Variants in TMEM132B observed in about 807,000 individuals in gnomAD.
The protein encoded by TMEM132B is transmembrane protein 132B.
A neutral mutation model predicts 90.8 loss-of-function variants in TMEM132B; 18 were observed. The observed-to-expected ratio is 0.20, with a 90% CI of 0.14 to 0.29. The LOEUF is 0.29. Ranked by LOEUF, TMEM132B falls within the 10% of genes least tolerant of loss-of-function variation. The probability of loss-of-function intolerance (pLI) is 1.00; values close to 1 mark genes in which losing one functional copy is unlikely to be tolerated. For synonymous variants in TMEM132B, 504 were observed against 523.3 expected, an observed-to-expected ratio of 0.96 and a Z score of 0.50; for missense variants, 1,096 against 1,326.8, an observed-to-expected ratio of 0.83 and a Z score of 2.70.
At position 125,603,532 on chromosome 12, in the gene TMEM132B, T is replaced by C. The variant is rs1030158482; in HGVS notation, c.1437+19538T>C. The stretch of plus-strand genomic sequence containing the variant: ...AACCTAGGCAATACCATTCAGGACA[T>C]AGGTATGGGCAAAGACTTCATGATG... On this transcript the variant is annotated intron_variant, in intron 5 of 8. Transcript: ENST00000682704. Among the ~76,000 whole-genome samples, 4 of 152,112 alleles carry C rather than the reference T, an allele frequency of 2.6e-5. No homozygotes were observed. The South Asian group carries it at 8.3e-4, about 32-fold the overall frequency.
chr12:125,563,552 G>A (rs1218450975), intron 4 of TMEM132B, among the ~76,000 whole-genome samples: 2 of 145,868 alleles, frequency 1.4e-5, no homozygotes, highest in African/African-American at 2.6e-5. Context: ...GCATCAGAGC[G>A]AGACTCTGTC....
chr12:125,329,879 T>G, intron 1 of TMEM132B, among the ~76,000 whole-genome samples: 1 of 152,184 alleles, frequency 6.6e-6, no homozygotes, highest in East Asian at 1.9e-4. Context: ...TTCATAAAAC[T>G]ACCCGATCTT....
At chr12:125,540,179 A>G (rs1451527248) in intron 4 of TMEM132B, among the ~76,000 whole-genome samples, 1 of 152,184 alleles carries the variant, frequency 6.6e-6, no homozygotes, top group Non-Finnish European at 1.5e-5. Flanking sequence ...CTGATAACAT[A>G]CTTTATATGA....
At chr12:125,360,263 T>G (rs559996122) in intron 2 of TMEM132B, among the ~76,000 whole-genome samples, 1 of 152,302 alleles carries the variant, frequency 6.6e-6, no homozygotes, top group Non-Finnish European at 1.5e-5. Context: ...CGATTTACTC[T>G]TACACCCCAA....
At chr12:125,567,724 C>T (rs529489714) in intron 4 of TMEM132B, among the ~76,000 whole-genome samples, 30 of 152,280 alleles carry the variant, frequency 2.0e-4, no homozygotes, top group African/African-American at 5.8e-4. Flanking sequence ...ATTTGCTTGC[C>T]GGTCCTGTGA....
chr12:125,494,345 C>G (rs1468211360), intron 3 of TMEM132B, among the ~76,000 whole-genome samples: 1 of 111,268 alleles, frequency 9.0e-6, no homozygotes, highest in Non-Finnish European at 1.8e-5. Flanking sequence ...GAAAAGGATG[C>G]GTCCCTCCGC....
chr12:125,657,096 G>A lies in TMEM132B; in HGVS notation c.*2386G>A, dbSNP rs1040251703. 3.9e-5 allele frequency: 6 copies of A among 152,206 alleles called. No homozygotes were observed. Among genetic ancestry groups the A allele is most frequent in the South Asian group, 4.1e-4 (2 of 4,830 alleles). The allele number at this position is 152,206 out of a possible 1,614,324, so 9.4% of individuals were successfully genotyped here. A position where few individuals can be genotyped will look rare whatever the true frequency, so the allele number is the denominator to read the frequency against. Reference sequence around the variant, plus strand: ...GGGTGCAGGGAACAAACTGGGGAGCGTTCAAACATGCCAGTGGTTTCTCAG... The same window carrying A: ...GGGTGCAGGGAACAAACTGGGGAGCATTCAAACATGCCAGTGGTTTCTCAG... On this transcript the variant is annotated 3_prime_UTR_variant, in exon 9 of 9. Coordinates refer to ENST00000682704, the MANE Select transcript of TMEM132B (RefSeq NM_001366854.1).
At chr12:125,379,825 A>G (rs75796179) in intron 2 of TMEM132B, among the ~76,000 whole-genome samples, 14,518 of 152,258 alleles carry the variant, frequency 0.095, 797 homozygotes, top group South Asian at 0.19. Context: ...TTCCATCATG[A>G]ATGAAGCAAG....
intron 1 of TMEM132B, among the ~76,000 whole-genome samples, chr12:125,295,071 A>G (rs1194115328): frequency 6.6e-6 from 1 of 152,250 alleles, no homozygotes; most frequent in Non-Finnish European, 1.5e-5. Context: ...CTGCAGAAGA[A>G]AAAAAGCACA....
intron 1 of TMEM132B, among the ~76,000 whole-genome samples, chr12:125,316,621 C>G (rs200320766): frequency 6.5e-5 from 2 of 30,630 alleles, no homozygotes; most frequent in Admixed American, 7.4e-4. Flanking sequence ...TGATTTTCAG[C>G]TGAGGTCTGA....
At chr12:125,622,018 G>A (rs926417508) in intron 5 of TMEM132B, among the ~76,000 whole-genome samples, 2 of 152,124 alleles carry the variant, frequency 1.3e-5, no homozygotes, top group South Asian at 2.1e-4. Context: ...TCTGAACATA[G>A]TCCTTGCATT....
intron 2 of TMEM132B, among the ~76,000 whole-genome samples, chr12:125,354,198 G>A (rs1221873810): frequency 6.6e-6 from 1 of 152,194 alleles, no homozygotes; most frequent in African/African-American, 2.4e-5. Flanking sequence ...CTTTAGTTGT[G>A]GGGACTTGAT....
chr12:125,253,976 G>A (rs558547300), intron 1 of TMEM132B, among the ~76,000 whole-genome samples: 7 of 152,266 alleles, frequency 4.6e-5, no homozygotes, highest in South Asian at 2.1e-4. Flanking sequence ...ATAAATGGGC[G>A]AAGGAGGGAA....
rs557485711 is a variant in TMEM132B, at chr12:125,603,983, T to A, written c.1437+19989T>A. Among the ~76,000 whole-genome samples, 3 of 152,244 alleles carry A rather than the reference T, an allele frequency of 2.0e-5. No homozygotes were observed. In the South Asian group the frequency reaches 6.2e-4, roughly 32 times the overall value. On this transcript the variant is annotated intron_variant, in intron 5 of 8. Coordinates refer to ENST00000682704, the MANE Select transcript of TMEM132B (RefSeq NM_001366854.1). ...GAGGCTGTGAAGAATTAAGAACAAT[T>A]TTACACTGTTGGTGGGAATGTAAAT...
intron 1 of TMEM132B, among the ~76,000 whole-genome samples, chr12:125,312,561 A>G (rs911355508): frequency 3.9e-5 from 6 of 152,236 alleles, no homozygotes; most frequent in Non-Finnish European, 5.9e-5. Context: ...GGAGAGACCC[A>G]GGCTGAGCGC....
chr12:125,590,888 T>C (rs1412178567), intron 5 of TMEM132B, among the ~76,000 whole-genome samples: 5 of 152,156 alleles, frequency 3.3e-5, no homozygotes, highest in Admixed American at 3.3e-4. Flanking sequence ...GTAGCTCAAG[T>C]TCTAGTGGAT....
chr12:125,211,838 G>T (rs575230603), intron 1 of TMEM132B, among the ~76,000 whole-genome samples: 16 of 152,262 alleles, frequency 1.1e-4, no homozygotes, highest in Admixed American at 5.2e-4. Flanking sequence ...TAACCATCTT[G>T]TCTGGGGAAT....
At position 125,483,804 on chromosome 12, in the gene TMEM132B, C is replaced by T. The variant is rs143688970; in HGVS notation, c.1107-35635C>T. ...GTGCCTTTAATATTGACTCGTTTCT[C>T]AATCTTATTCTTTGTGTCTTGAAAC... On this transcript the variant is annotated intron_variant, in intron 3 of 8. Transcript: ENST00000682704. Among the ~76,000 whole-genome samples, 9 of 152,270 alleles carry T rather than the reference C, an allele frequency of 5.9e-5. No individual in the cohort carries two copies. The East Asian group carries it at 1.7e-3, about 29-fold the overall frequency.
chr12:125,374,429 C>CAG lies in TMEM132B; in HGVS notation c.959+24087_959+24088insGA, dbSNP rs550605913. Among the ~76,000 whole-genome samples the CAG allele has an allele frequency of 2.2e-3, 318 of 141,590 alleles. 1 individual carries two copies. The highest frequency in any genetic ancestry group is 9.0e-3 in the African/African-American group (296 of 33,018). 92.9% of individuals were successfully genotyped at this position (141,590 alleles called of 152,430 possible). A position where few individuals can be genotyped will look rare whatever the true frequency, so the allele number is the denominator to read the frequency against. ...GACCTCAACTCAGCTCACCCACAAACATGTTTTTTTTTGTTTTTCCTTTGT... is the reference window on the plus strand; with the variant it reads ...GACCTCAACTCAGCTCACCCACAAACAGATGTTTTTTTTTGTTTTTCCTTTGT... On this transcript the variant is annotated intron_variant, in intron 2 of 8. Coordinates refer to ENST00000682704, the MANE Select transcript of TMEM132B (RefSeq NM_001366854.1).
Sources: gnomAD v4.1 joint callset for allele counts (sites outside exome capture counted in the v4.1 genomes callset) on GRCh38, gnomAD v4.1.1 for gene constraint, MANE v1.5 for transcripts, NCBI Gene and HGNC (gene_info 2026-07-23, HGNC 2026-07-21) for gene names.